The following GRK5 variants were observed in gnomAD, a reference collection of about 807,000 sequenced individuals.
The protein encoded by GRK5 is G protein-coupled receptor kinase 5.
A neutral mutation model predicts 78.4 loss-of-function variants in GRK5; 40 were observed. That is an observed-to-expected ratio of 0.51 (90% CI 0.40 to 0.66). GRK5 has a LOEUF of 0.66. Among genes scored for constraint, GRK5 ranks in the 30% least tolerant of loss-of-function variants. The pLI is 0.00. For missense variants in GRK5, 598 were observed against 759.9 expected, an observed-to-expected ratio of 0.79 and a Z score of 2.50; for synonymous variants, 289 against 296.8, an observed-to-expected ratio of 0.97 and a Z score of 0.27.
intron 3 of GRK5, among the ~76,000 whole-genome samples, chr10:119,390,868 C>A (rs1413550647): frequency 6.6e-6 from 1 of 152,096 alleles, no homozygotes; most frequent in Non-Finnish European, 1.5e-5. Flanking sequence ...GGTGGGGACA[C>A]AGCTAAACCA....
At chr10:119,330,364 C>T (rs976664035) in intron 2 of GRK5, 5 of 2,302 alleles carry the variant, frequency 2.2e-3, no homozygotes, top group Non-Finnish European at 3.1e-3. Context: ...CATGGTGGGG[C>T]GGGGGAGGGA....
At chr10:119,237,442 G>A (rs1848952354) in intron 1 of GRK5, among the ~76,000 whole-genome samples, 1 of 152,186 alleles carries the variant, frequency 6.6e-6, no homozygotes, top group Non-Finnish European at 1.5e-5. Flanking sequence ...GCCAGCACAG[G>A]ACTGACTTAA....
intron 1 of GRK5, among the ~76,000 whole-genome samples, chr10:119,248,815 A>T (rs1298737998): frequency 6.6e-6 from 1 of 152,124 alleles, no homozygotes; most frequent in African/African-American, 2.4e-5. Context: ...TGGATCTATT[A>T]TCTAGGGCTT....
chr10:119,407,299 G>C (rs1852258549), intron 4 of GRK5, among the ~76,000 whole-genome samples: 1 of 152,192 alleles, frequency 6.6e-6, no homozygotes, highest in Non-Finnish European at 1.5e-5. Flanking sequence ...GAGGAGACTG[G>C]AATCTTCCTT....
chr10:119,210,163 G>T (rs570898285), intron 1 of GRK5, among the ~76,000 whole-genome samples: 20 of 152,214 alleles, frequency 1.3e-4, no homozygotes, highest in African/African-American at 4.6e-4. Context: ...CCTTTTAAAG[G>T]CTTTTTCAAT....
chr10:119,208,069 C>G, intron 1 of GRK5, 100 bp downstream of exon 1: 3 of 1,125,074 alleles, frequency 2.7e-6, no homozygotes, highest in East Asian at 5.7e-5. Context: ...GCAGGATGCC[C>G]GCTGCCGGCG....
At chr10:119,280,658 G>C (rs143356571) in intron 1 of GRK5, among the ~76,000 whole-genome samples, 113 of 152,324 alleles carry the variant, frequency 7.4e-4, no homozygotes, top group African/African-American at 2.5e-3. Flanking sequence ...GGAATTGCTA[G>C]ATGCTATGGT....
At chr10:119,428,192 G>A (rs1852740949) in intron 6 of GRK5, among the ~76,000 whole-genome samples, 1 of 152,206 alleles carries the variant, frequency 6.6e-6, no homozygotes, top group Admixed American at 6.5e-5. Flanking sequence ...GGCAGTGTGG[G>A]GTCAGGATAC....
intron 2 of GRK5, chr10:119,333,937 C>T (rs1051627821): frequency 3.2e-5 from 15 of 466,564 alleles, no homozygotes; most frequent in East Asian, 1.3e-4. Flanking sequence ...GAGGAAGTGG[C>T]GTCCCTCCTG....
chr10:119,348,557 G>A (rs939398015), intron 2 of GRK5, among the ~76,000 whole-genome samples: 3 of 152,230 alleles, frequency 2.0e-5, no homozygotes, highest in Non-Finnish European at 4.4e-5. Flanking sequence ...GGTTCTGGTG[G>A]TCCAGTGTGC....
At chr10:119,237,216 C>G (rs887876940) in intron 1 of GRK5, among the ~76,000 whole-genome samples, 1 of 152,066 alleles carries the variant, frequency 6.6e-6, no homozygotes, top group African/African-American at 2.4e-5. Context: ...GCATGTGCCA[C>G]CATTCCCAGC....
chr10:119,356,162 G>C (rs11198896), intron 2 of GRK5, among the ~76,000 whole-genome samples: 118,357 of 152,186 alleles, frequency 0.78, 47,112 homozygotes, highest in Middle Eastern at 0.9. Flanking sequence ...CCAGGGACTA[G>C]CAAGAGTAAA....
chr10:119,254,307 T>C (rs73450516), intron 1 of GRK5, among the ~76,000 whole-genome samples: 11,057 of 152,256 alleles, frequency 0.073, 498 homozygotes, highest in Admixed American at 0.14. Flanking sequence ...ATCCTGTCTC[T>C]TGATCCTCAG....
intron 1 of GRK5, among the ~76,000 whole-genome samples, chr10:119,255,549 G>A (rs534015185): frequency 2.0e-5 from 3 of 152,256 alleles, no homozygotes; most frequent in African/African-American, 4.8e-5. Context: ...TACTAACACC[G>A]CTGGCTCATT....
chr10:119,321,700 G>A (rs1232387632), intron 1 of GRK5, among the ~76,000 whole-genome samples: 1 of 152,174 alleles, frequency 6.6e-6, no homozygotes, highest in Non-Finnish European at 1.5e-5. Flanking sequence ...AGGTTCTAGG[G>A]ATTAGGGCAT....
At position 119,235,507 on chromosome 10, in the gene GRK5, T is replaced by C. The variant is rs139226166; in HGVS notation, c.52+27538T>C. 1.2e-4 allele frequency among the ~76,000 whole-genome samples: 19 copies of C among 152,244 alleles called. No homozygotes were observed. The East Asian group carries it at 3.7e-3, about 29-fold the overall frequency. On this transcript the variant is annotated intron_variant, in intron 1 of 15. Transcript: ENST00000392870. ...GGCTGGCTGGCTGTGTCCCAAGTGC[T>C]GCAGAGTGGGAGTCTGGGACCAGTT...
At chr10:119,212,852 G>A (rs1249422212) in intron 1 of GRK5, 1 of 152,236 alleles carries the variant, frequency 6.6e-6, no homozygotes, top group Admixed American at 6.5e-5. Flanking sequence ...AAATAGAATG[G>A]TGGAGCCGAG....
chr10:119,370,201 A>G (rs1483587343), intron 2 of GRK5, among the ~76,000 whole-genome samples: 2 of 152,028 alleles, frequency 1.3e-5, no homozygotes, highest in African/African-American at 4.8e-5. Flanking sequence ...TTCCTTCCAC[A>G]GACCCACAGC....
At position 119,456,721 on chromosome 10, in the gene GRK5, GCT is replaced by G. The variant is rs1395284497; in HGVS notation, c.*1658_*1659del. 1.3e-5 allele frequency: 2 copies of G among 152,234 alleles called. No homozygotes were observed. Among genetic ancestry groups the G allele is most frequent in the African/African-American group, 4.8e-5 (2 of 41,462 alleles). The allele number at this position is 152,234 out of a possible 1,614,324, so 9.4% of individuals were successfully genotyped here. A position where few individuals can be genotyped will look rare whatever the true frequency, so the allele number is the denominator to read the frequency against. On this transcript the variant is annotated 3_prime_UTR_variant, in exon 16 of 16. Coordinates refer to ENST00000392870, the MANE Select transcript of GRK5 (RefSeq NM_005308.3). The surrounding 1 kb of genome is among the most constrained non-coding windows in gnomAD (Gnocchi z 5.5). ...GCCTGGGAGCCCACCCCTGCTGTGG[GCT>G]CTCAGCGGGGCTTTGGGGGTGATCA... is the stretch of plus-strand genomic sequence containing the variant.
Sources: allele counts gnomAD v4.1 joint callset (sites outside exome capture counted in the v4.1 genomes callset), GRCh38; gene constraint gnomAD v4.1.1; non-coding constraint Gnocchi (gnomAD v3.1); transcripts MANE v1.5; gene names NCBI Gene and HGNC (gene_info 2026-07-23, HGNC 2026-07-21).